Variants in WWOX observed in about 807,000 individuals in gnomAD.
WWOX encodes WW domain containing oxidoreductase, also known as WW domain-containing oxidoreductase.
A neutral mutation model predicts 46.2 loss-of-function variants in WWOX; 69 were observed. The observed-to-expected ratio is 1.49, with a 90% CI of 1.23 to 1.82. The LOEUF (loss-of-function observed/expected upper bound fraction) is 1.82. Among genes scored for constraint, WWOX ranks in the 40% most tolerant of loss-of-function variants. The probability of loss-of-function intolerance (pLI) is 0.00; values close to 1 mark genes in which losing one functional copy is unlikely to be tolerated. For missense variants in WWOX, 919 were observed against 542.6 expected (o/e 1.69, Z -6.89); for synonymous variants, 359 against 202.6 (o/e 1.77, Z -6.56).
At chr16:78,440,314 T>C (rs1019607499) in intron 8 of WWOX, among the ~76,000 whole-genome samples, 2 of 152,176 alleles carry the variant, frequency 1.3e-5, no homozygotes, top group South Asian at 2.1e-4. Context: ...TCTGGCTCCA[T>C]GCTCTTTCTT....
chr16:78,517,789 G>A (rs924112433), intron 8 of WWOX, among the ~76,000 whole-genome samples: 3 of 149,054 alleles, frequency 2.0e-5, no homozygotes, highest in African/African-American at 7.4e-5. Context: ...TTTCCTTCTG[G>A]ATTAAGAGTG....
intron 5 of WWOX, among the ~76,000 whole-genome samples, chr16:78,285,904 CTT>C (rs2079758557): frequency 6.6e-6 from 1 of 152,106 alleles, no homozygotes. Flanking sequence ...AAGCCAGCCT[CTT>C]TATTACTTCA....
intron 8 of WWOX, among the ~76,000 whole-genome samples, chr16:78,815,293 C>A (rs112645897): frequency 0.15 from 23,280 of 151,500 alleles, 1,865 homozygotes; most frequent in Admixed American, 0.2. Flanking sequence ...CCACTGCACT[C>A]CAGCCTGGCT....
chr16:78,178,057 C>T (rs1386593446), intron 5 of WWOX, among the ~76,000 whole-genome samples: 3 of 152,108 alleles, frequency 2.0e-5, no homozygotes, highest in Non-Finnish European at 4.4e-5. Flanking sequence ...TATCTGCAAC[C>T]CTGTGTTAGG....
At chr16:79,189,301 A>G (rs969443587) in intron 8 of WWOX, among the ~76,000 whole-genome samples, 1 of 151,834 alleles carries the variant, frequency 6.6e-6, no homozygotes, top group Non-Finnish European at 1.5e-5. Flanking sequence ...TTTGTCACCC[A>G]GGCTGGAGTA....
At chr16:79,008,040 G>C (rs188839506) in intron 8 of WWOX, among the ~76,000 whole-genome samples, 36 of 152,326 alleles carry the variant, frequency 2.4e-4, no homozygotes, top group African/African-American at 8.2e-4. Flanking sequence ...CTTCTGCTCA[G>C]GGTCTCATGA....
At chr16:79,060,515 T>C (rs187927072) in intron 8 of WWOX, among the ~76,000 whole-genome samples, 220 of 152,340 alleles carry the variant, frequency 1.4e-3, no homozygotes, top group African/African-American at 5.1e-3. Context: ...AGCATCTTAT[T>C]ATATTAGACC....
intron 5 of WWOX, among the ~76,000 whole-genome samples, chr16:78,208,481 C>T (rs2036463093): frequency 6.6e-6 from 1 of 152,100 alleles, no homozygotes; most frequent in African/African-American, 2.4e-5. Flanking sequence ...TCATAAAAAC[C>T]TGTTATGGAA....
intron 8 of WWOX, among the ~76,000 whole-genome samples, chr16:78,808,832 A>G (rs1160200909): frequency 6.6e-6 from 1 of 152,150 alleles, no homozygotes; most frequent in African/African-American, 2.4e-5. Context: ...ATGTCCACCC[A>G]TCAACCTCTA....
At chr16:79,183,229 CTT>C (rs1363985233) in intron 8 of WWOX, among the ~76,000 whole-genome samples, 2 of 152,218 alleles carry the variant, frequency 1.3e-5, no homozygotes, top group African/African-American at 4.8e-5. Context: ...CAGCTAGACT[CTT>C]TTCCTTTTCT....
At chr16:78,193,116 G>A (rs1327909312) in intron 5 of WWOX, among the ~76,000 whole-genome samples, 3 of 152,230 alleles carry the variant, frequency 2.0e-5, no homozygotes, top group Non-Finnish European at 4.4e-5. Context: ...AAACCTCACA[G>A]AGGCTTCTGT....
chr16:78,938,001 C>T (rs1380216663), intron 8 of WWOX, among the ~76,000 whole-genome samples: 4 of 152,156 alleles, frequency 2.6e-5, no homozygotes, highest in African/African-American at 9.7e-5. Context: ...TCTCAAAGTC[C>T]TTGCCTAAGG....
chr16:78,639,958 A>G (rs533434103), intron 8 of WWOX, among the ~76,000 whole-genome samples: 1 of 152,166 alleles, frequency 6.6e-6, no homozygotes, highest in Non-Finnish European at 1.5e-5. Context: ...AGGTGTTCGC[A>G]GGGCACAGCT....
At chr16:78,825,723 A>C (rs527477719) in intron 8 of WWOX, 55 of 570,332 alleles carry the variant, frequency 9.6e-5, no homozygotes, top group African/African-American at 9.1e-4. Flanking sequence ...GGTCAAATCC[A>C]TGAGTTTGTG....
chr16:78,650,795 T>G (rs368595504), intron 8 of WWOX, among the ~76,000 whole-genome samples: 16 of 152,304 alleles, frequency 1.1e-4, no homozygotes, highest in African/African-American at 3.8e-4. Context: ...AAATCTCAGC[T>G]GGCCTGCAAA....
At chr16:78,833,872 C>T (rs1009058727) in intron 8 of WWOX, among the ~76,000 whole-genome samples, 6 of 152,384 alleles carry the variant, frequency 3.9e-5, no homozygotes, top group East Asian at 1.9e-4. Context: ...CATGCCTTCT[C>T]TATGGTACCA....
intron 5 of WWOX, among the ~76,000 whole-genome samples, chr16:78,293,950 C>G (rs1337911288): frequency 3.4e-5 from 4 of 116,296 alleles, no homozygotes; most frequent in South Asian, 3.0e-4. Flanking sequence ...GCACTCTAGC[C>G]TGGGCGACAG....
chr16:78,594,605 C>G (rs1163757584), intron 8 of WWOX, among the ~76,000 whole-genome samples: 3 of 151,992 alleles, frequency 2.0e-5, no homozygotes. Flanking sequence ...ACCTCCTTTC[C>G]TGGTTGTTTC....
intron 8 of WWOX, among the ~76,000 whole-genome samples, chr16:78,889,504 A>G (rs989201390): frequency 7.9e-5 from 12 of 151,990 alleles, no homozygotes; most frequent in Admixed American, 2.6e-4. Flanking sequence ...TTGCAGCTTC[A>G]AATATAATGT....
Sources: allele counts gnomAD v4.1 joint callset (sites outside exome capture counted in the v4.1 genomes callset), GRCh38; gene constraint gnomAD v4.1.1; transcripts MANE v1.5; gene names NCBI Gene and HGNC (gene_info 2026-07-23, HGNC 2026-07-21).